DCC: variants seen among roughly 807,000 people sequenced by gnomAD.
The protein encoded by DCC is netrin receptor DCC.
Under a neutral mutation model 172.5 loss-of-function variants are expected in DCC, and 58 were observed. The ratio of observed to expected loss-of-function variants is 0.34; its 90% CI spans 0.27 to 0.42. The LOEUF is 0.42. DCC is among the 10% of genes least tolerant of loss of function. DCC has a pLI of 1.00. For synonymous variants in DCC, 709 were observed against 644.5 expected, an observed-to-expected ratio of 1.10 and a Z score of -1.52; for missense variants, 1,740 against 1,791.0, an observed-to-expected ratio of 0.97 and a Z score of 0.51.
At chr18:53,178,672 G>C (rs907285245) in intron 8 of DCC, among the ~76,000 whole-genome samples, 1 of 152,130 alleles carries the variant, frequency 6.6e-6, no homozygotes, top group African/African-American at 2.4e-5. Context: ...TTTTTCATGG[G>C]TTTTGAATTC....
At chr18:52,876,904 T>C (rs116197548) in intron 2 of DCC, among the ~76,000 whole-genome samples, 2,301 of 152,298 alleles carry the variant, frequency 0.015, 43 homozygotes, top group African/African-American at 0.039. Context: ...GACCCTCCAT[T>C]TCCCTAGAAT....
chr18:52,972,803 T>A (rs2041051175), intron 5 of DCC, among the ~76,000 whole-genome samples: 1 of 152,188 alleles, frequency 6.6e-6, no homozygotes, highest in Non-Finnish European at 1.5e-5. Context: ...TACTATTTAT[T>A]TGGTGCTTAG....
chr18:52,909,452 C>A (rs769589214), intron 3 of DCC, among the ~76,000 whole-genome samples: 1 of 152,200 alleles, frequency 6.6e-6, no homozygotes, highest in South Asian at 2.1e-4. Context: ...AATTTTGCAA[C>A]TTTCCCCAAC....
chr18:52,647,652 AC>A (rs2035044029), intron 1 of DCC, among the ~76,000 whole-genome samples: 2 of 152,220 alleles, frequency 1.3e-5, no homozygotes, highest in Non-Finnish European at 2.9e-5. Context: ...TCTGACCCAT[AC>A]AAAAATGCTA....
At position 52,479,213 on chromosome 18, in the gene DCC, A is replaced by G. The variant is rs536976046; in HGVS notation, c.91+138335A>G. ...GGCCAATGCTTCTTATCTTTTAAAT[A>G]CTTAAGCACATATAGATTTTCTCTT... On this transcript the variant is annotated intron_variant, in intron 1 of 28. Coordinates refer to ENST00000442544, the MANE Select transcript of DCC (RefSeq NM_005215.4). Among the ~76,000 whole-genome samples, 5 of 152,302 alleles carry G rather than the reference A, an allele frequency of 3.3e-5. No individual in the cohort carries two copies. The East Asian group carries it at 7.7e-4, about 24-fold the overall frequency.
At chr18:53,489,678 A>G (rs1355166329) in intron 26 of DCC, among the ~76,000 whole-genome samples, 1 of 152,240 alleles carries the variant, frequency 6.6e-6, no homozygotes, top group Non-Finnish European at 1.5e-5. Flanking sequence ...CTAAAGTCCT[A>G]TTCCAAAGGT....
At chr18:53,365,222 A>G (rs1248889848) in intron 15 of DCC, among the ~76,000 whole-genome samples, 1 of 151,506 alleles carries the variant, frequency 6.6e-6, no homozygotes, top group Non-Finnish European at 1.5e-5. Flanking sequence ...GATGGTTTCC[A>G]GCCTCATCCA....
At chr18:53,312,451 A>G (rs1299551718) in intron 13 of DCC, among the ~76,000 whole-genome samples, 3 of 151,718 alleles carry the variant, frequency 2.0e-5, no homozygotes, top group African/African-American at 4.8e-5. Flanking sequence ...TGGCCAAATT[A>G]TTTAAATTTT....
At chr18:52,462,532 GCAACCTCTTTT>G (rs1055558403) in intron 1 of DCC, among the ~76,000 whole-genome samples, 1 of 151,982 alleles carries the variant, frequency 6.6e-6, no homozygotes, top group African/African-American at 2.4e-5. Context: ...AGTGCAATAT[GCAACCTCTTTT>G]AGGTCTTTGC....
At chr18:52,658,871 G>A (rs1005968330) in intron 1 of DCC, among the ~76,000 whole-genome samples, 9 of 150,954 alleles carry the variant, frequency 6.0e-5, no homozygotes, top group African/African-American at 2.2e-4. Context: ...TCTTGGAAAT[G>A]ACTTTCCTAC....
intron 5 of DCC, among the ~76,000 whole-genome samples, chr18:53,047,286 AT>A (rs2042257744): frequency 5.8e-5 from 1 of 17,258 alleles, no homozygotes; most frequent in Non-Finnish European, 1.1e-4. Context: ...ATATATATAT[AT>A]AATTTTATAT....
chr18:52,884,073 C>T (rs2145410184), intron 2 of DCC, among the ~76,000 whole-genome samples: 1 of 152,126 alleles, frequency 6.6e-6, no homozygotes, highest in African/African-American at 2.4e-5. Context: ...TGCTGCCAGA[C>T]ATATTGGAGC....
At chr18:53,189,372 A>C (rs957531950) in intron 9 of DCC, among the ~76,000 whole-genome samples, 1 of 151,968 alleles carries the variant, frequency 6.6e-6, no homozygotes, top group Admixed American at 6.6e-5. Flanking sequence ...AATGTTAGTA[A>C]GTTTTCACAG....
chr18:53,290,586 A>G (rs1450904701), intron 12 of DCC, among the ~76,000 whole-genome samples: 1 of 152,032 alleles, frequency 6.6e-6, no homozygotes, highest in Admixed American at 6.6e-5. Flanking sequence ...TTAGGGCCTA[A>G]TTTGACAGTT....
chr18:53,406,711 A>C (rs2145046252), intron 19 of DCC, among the ~76,000 whole-genome samples: 1 of 114,788 alleles, frequency 8.7e-6, no homozygotes, highest in Non-Finnish European at 2.1e-5. Flanking sequence ...CTCAAAAAAA[A>C]AAAAAGAAAG....
intron 1 of DCC, among the ~76,000 whole-genome samples, chr18:52,349,476 C>G (rs1287806813): frequency 6.6e-6 from 1 of 152,156 alleles, no homozygotes; most frequent in African/African-American, 2.4e-5. Context: ...TGTTTAATGT[C>G]TGGGCAGAGC....
intron 2 of DCC, among the ~76,000 whole-genome samples, chr18:52,783,076 T>C (rs2037578204): frequency 6.6e-6 from 1 of 152,048 alleles, no homozygotes; most frequent in Non-Finnish European, 1.5e-5. Context: ...TATGTCATAA[T>C]GAAAAACAGA....
intron 13 of DCC, among the ~76,000 whole-genome samples, chr18:53,307,772 G>T (rs1358040076): frequency 6.7e-6 from 1 of 150,264 alleles, no homozygotes; most frequent in Non-Finnish European, 1.5e-5. Context: ...TTTGATTAAA[G>T]TAATAAAGAT....
rs556742088 is a variant in DCC at position 53,047,703 on chromosome 18, A to T, written c.986-15602A>T. Among the ~76,000 whole-genome samples the T allele has an allele frequency of 3.9e-4, 59 of 151,388 alleles. 1 individual carries two copies. In the South Asian group the frequency reaches 0.011, roughly 29 times the overall value. ...CTATTGCTTTAATTACAGCAGAGAG[A>T]TAATCTTTACCTCTCTGAGGCATAG... On this transcript the variant is annotated intron_variant, in intron 5 of 28. Coordinates refer to ENST00000442544, the MANE Select transcript of DCC (RefSeq NM_005215.4).
Sources: allele counts gnomAD v4.1 joint callset (sites outside exome capture counted in the v4.1 genomes callset), GRCh38; gene constraint gnomAD v4.1.1; transcripts MANE v1.5; gene names NCBI Gene and HGNC (gene_info 2026-07-23, HGNC 2026-07-21).